Variants in AKAP6 observed in about 807,000 individuals in gnomAD.
AKAP6 encodes the protein A-kinase anchoring protein 6, also known as A-kinase anchor protein 6.
AKAP6 carries 58 observed loss-of-function variants against 188.5 expected under a neutral mutation model. The observed-to-expected ratio is 0.31, with a 90% CI of 0.25 to 0.38. AKAP6 has a LOEUF of 0.38. Among genes scored for constraint, AKAP6 ranks in the 10% least tolerant of loss-of-function variants. The pLI is 1.00. For missense variants in AKAP6, 2,710 were observed against 2,740.0 expected (o/e 0.99, Z 0.24); for synonymous variants, 989 against 998.6 (o/e 0.99, Z 0.18).
chr14:32,827,989 T>C (rs1405611242), intron 13 of AKAP6, among the ~76,000 whole-genome samples: 2 of 152,066 alleles, frequency 1.3e-5, no homozygotes. Flanking sequence ...TGTGGTGTTT[T>C]GGGGGGTGGG....
chr14:32,467,353 T>C (rs1247703036), intron 2 of AKAP6, among the ~76,000 whole-genome samples: 1 of 152,162 alleles, frequency 6.6e-6, no homozygotes, highest in Non-Finnish European at 1.5e-5. Context: ...CAAACAAGAT[T>C]GGACAACAGT....
intron 2 of AKAP6, among the ~76,000 whole-genome samples, chr14:32,529,963 CTTTTTTTT>C (rs11305618): frequency 1.9e-4 from 12 of 62,018 alleles, no homozygotes; most frequent in East Asian, 5.5e-4. Context: ...GGTAAAGAAA[CTTTTTTTT>C]TTTTTTTTTT....
intron 11 of AKAP6, among the ~76,000 whole-genome samples, chr14:32,770,367 T>C (rs1299573310): frequency 6.6e-6 from 1 of 152,220 alleles, no homozygotes; most frequent in East Asian, 1.9e-4. Flanking sequence ...CTTAGGCATA[T>C]TGATAGTTGT....
intron 1 of AKAP6, among the ~76,000 whole-genome samples, chr14:32,413,475 C>A (rs1029904222): frequency 6.6e-6 from 1 of 152,048 alleles, no homozygotes; most frequent in Non-Finnish European, 1.5e-5. Flanking sequence ...AGCCACTGTG[C>A]CTTGCCAAAA....
At position 32,545,506 on chromosome 14, in the gene AKAP6, A is replaced by G. The variant is rs749020130; in HGVS notation, c.853A>G (p.Asn285Asp). 1.1e-5 allele frequency: 17 copies of G among 1,614,080 alleles called. No individual in the cohort carries two copies. The highest frequency in any genetic ancestry group is 3.3e-5 in the Admixed American group (2 of 60,004). Residue 285 changes from asparagine to aspartate, a missense_variant, in exon 4 of 14, where the codon AAT becomes GAT. Coordinates refer to ENST00000280979, the MANE Select transcript of AKAP6 (RefSeq NM_004274.5). ...GGTAGCTGCTGACTCTATCTCTACCAATGGCAGTGAAGCAGTTACTGAGGA... is the reference window on the plus strand; with the variant it reads ...GGTAGCTGCTGACTCTATCTCTACCGATGGCAGTGAAGCAGTTACTGAGGA... Reference protein sequence around the residue: ...LTVAADSISTNGSEAVTEEVS... With the variant: ...LTVAADSISTDGSEAVTEEVS...
intron 1 of AKAP6, among the ~76,000 whole-genome samples, chr14:32,360,405 G>A (rs900944333): frequency 5.9e-5 from 9 of 152,256 alleles, no homozygotes; most frequent in African/African-American, 2.2e-4. Flanking sequence ...GGGATTACAG[G>A]CGTGAGCCAC....
rs184715072 is a variant in AKAP6, at chr14:32,760,765, G to A, written c.3373-12913G>A. ...GATCTTCACTTTGTTTTAGCTATAA[G>A]AGTGTTTGATGAATGAAGTTATTAT... On this transcript the variant is annotated intron_variant, in intron 11 of 13. Transcript: ENST00000280979. Among the ~76,000 whole-genome samples, 772 of 152,268 alleles carry A rather than the reference G, an allele frequency of 5.1e-3. 2 individuals are homozygous for A. The highest frequency in any genetic ancestry group is 8.4e-3 in the Non-Finnish European group (573 of 68,020).
At chr14:32,466,579 G>A (rs1594644141) in intron 2 of AKAP6, among the ~76,000 whole-genome samples, 1 of 151,596 alleles carries the variant, frequency 6.6e-6, no homozygotes, top group Non-Finnish European at 1.5e-5. Flanking sequence ...CTGTTGGGGG[G>A]TGGGGGACAA....
chr14:32,773,798 C>A lies in AKAP6; in HGVS notation c.3493C>A (p.Leu1165Met). The part of the protein sequence containing the change: ...NLNADHQPMQ[L>M]IIVNLERRWE... Reference sequence around the variant, plus strand: ...GAATGCAGACCACCAGCCCATGCAGCTGATCATTGTAAATCTTGAAAGAAG... The same window carrying A: ...GAATGCAGACCACCAGCCCATGCAGATGATCATTGTAAATCTTGAAAGAAG... The change falls in exon 12 of 14, where the codon CTG (leucine) becomes ATG (methionine). Residue 1165 changes from leucine to methionine, a missense_variant. By Grantham distance (15) the Leu-to-Met change is conservative (BLOSUM62 2). Around this residue, in one of 2 missense-constraint regions of AKAP6, gnomAD observed 2,473 missense variants for 2,426.1 expected, o/e 1.02. Coordinates refer to ENST00000280979, the MANE Select transcript of AKAP6 (RefSeq NM_004274.5). The A allele has an allele frequency of 6.2e-7, 1 of 1,614,096 alleles. No individual in the cohort carries two copies. The highest frequency in any genetic ancestry group is 8.5e-7 in the Non-Finnish European group (1 of 1,180,004).
intron 4 of AKAP6, among the ~76,000 whole-genome samples, chr14:32,557,599 T>C (rs542800426): frequency 2.0e-5 from 3 of 152,174 alleles, no homozygotes; most frequent in Admixed American, 2.0e-4. Context: ...TTCCTAGTGT[T>C]GATGGAGTGG....
intron 1 of AKAP6, among the ~76,000 whole-genome samples, chr14:32,330,299 T>A (rs1886491560): frequency 6.6e-6 from 1 of 152,094 alleles, no homozygotes; most frequent in Non-Finnish European, 1.5e-5. Flanking sequence ...AGTCATAACC[T>A]CAACTCAATT....
chr14:32,399,443 A>G (rs1889006895), intron 1 of AKAP6, among the ~76,000 whole-genome samples: 2 of 152,230 alleles, frequency 1.3e-5, no homozygotes, highest in African/African-American at 4.8e-5. Context: ...TATGATCAGC[A>G]GTAATTTAGC....
intron 2 of AKAP6, among the ~76,000 whole-genome samples, chr14:32,445,392 A>G (rs1222932576): frequency 6.6e-6 from 1 of 151,780 alleles, no homozygotes. Flanking sequence ...TCTTTTTTTG[A>G]GATGGAGTCT....
At chr14:32,397,259 C>G (rs1383595899) in intron 1 of AKAP6, among the ~76,000 whole-genome samples, 2 of 152,134 alleles carry the variant, frequency 1.3e-5, no homozygotes, top group Admixed American at 1.3e-4. Context: ...TGGGCAAGGC[C>G]ATGGTGCCAA....
intron 7 of AKAP6, among the ~76,000 whole-genome samples, chr14:32,647,424 G>T (rs957989729): frequency 3.9e-5 from 6 of 152,030 alleles, no homozygotes; most frequent in African/African-American, 1.4e-4. Flanking sequence ...TAACTGGTAA[G>T]AAAAATAAGA....
chr14:32,495,896 A>G (rs1489113946), intron 2 of AKAP6, among the ~76,000 whole-genome samples: 1 of 152,176 alleles, frequency 6.6e-6, no homozygotes, highest in Non-Finnish European at 1.5e-5. Context: ...ACTCAGTTAA[A>G]CTACTGTTTG....
intron 12 of AKAP6, among the ~76,000 whole-genome samples, chr14:32,817,791 A>G (rs1028163141): frequency 6.6e-6 from 1 of 152,178 alleles, no homozygotes; most frequent in Non-Finnish European, 1.5e-5. Flanking sequence ...GGAAAACAAC[A>G]ACAACAAAAA....
intron 11 of AKAP6, among the ~76,000 whole-genome samples, chr14:32,757,865 C>G (rs531682105): frequency 6.6e-6 from 1 of 151,992 alleles, no homozygotes; most frequent in East Asian, 1.9e-4. Context: ...TGAGGAAATT[C>G]CTGGAATAAG....
At chr14:32,353,529 C>G (rs1367522860) in intron 1 of AKAP6, among the ~76,000 whole-genome samples, 1 of 152,214 alleles carries the variant, frequency 6.6e-6, no homozygotes, top group Non-Finnish European at 1.5e-5. Flanking sequence ...CCACTGCACT[C>G]TAGCCTGGTG....
Sources: allele counts gnomAD v4.1 joint callset (sites outside exome capture counted in the v4.1 genomes callset), GRCh38; gene constraint gnomAD v4.1.1; regional missense constraint gnomAD v4.1.1; transcripts MANE v1.5; gene names NCBI Gene and HGNC (gene_info 2026-07-23, HGNC 2026-07-21).